The following MBD5 variants were observed in gnomAD, a reference collection of about 807,000 sequenced individuals.
MBD5 encodes methyl-CpG binding domain protein 5.
Under a neutral mutation model 117.3 loss-of-function variants are expected in MBD5, and 13 were observed. The observed-to-expected ratio is 0.11, with a 90% CI of 0.07 to 0.18. The LOEUF (loss-of-function observed/expected upper bound fraction) is 0.18. Among genes scored for constraint, MBD5 ranks in the 10% least tolerant of loss-of-function variants. The pLI is 1.00. For synonymous variants in MBD5, 727 were observed against 766.4 expected (o/e 0.95, Z 0.85); for missense variants, 1,879 against 2,093.8 (o/e 0.90, Z 2.00).
rs533542821 is a variant in MBD5, at chr2:148,141,047, C to T, written c.-924-37653C>T. On this transcript the variant is annotated intron_variant, in intron 1 of 13. Transcript: ENST00000642680. ...TCAGCCAACCAAACTGCTGGGATTA[C>T]AGGTGTCAGGCACCGCGCCCAGCTG... Among the ~76,000 whole-genome samples, 6 of 152,304 alleles carry T rather than the reference C, an allele frequency of 3.9e-5. No homozygotes were observed. In the East Asian group the frequency reaches 5.8e-4, roughly 15 times the overall value.
At chr2:148,083,161 G>A (rs1010266192) in intron 1 of MBD5, among the ~76,000 whole-genome samples, 7 of 152,258 alleles carry the variant, frequency 4.6e-5, no homozygotes, top group Admixed American at 1.3e-4. Flanking sequence ...CTTCTTTTGC[G>A]CTTATTAACC....
intron 3 of MBD5, among the ~76,000 whole-genome samples, chr2:148,239,992 A>C (rs1163214481): frequency 6.6e-6 from 1 of 152,206 alleles, no homozygotes; most frequent in Non-Finnish European, 1.5e-5. Flanking sequence ...CACTATTCAC[A>C]ATAGCAAAGA....
chr2:148,449,008 C>T (rs1706647413), intron 4 of MBD5, among the ~76,000 whole-genome samples: 1 of 151,994 alleles, frequency 6.6e-6, no homozygotes, highest in Non-Finnish European at 1.5e-5. Context: ...AGCTAACATA[C>T]AAGAATAAAT....
intron 3 of MBD5, among the ~76,000 whole-genome samples, chr2:148,284,272 G>A (rs1701320731): frequency 6.6e-6 from 1 of 151,504 alleles, no homozygotes; most frequent in Non-Finnish European, 1.5e-5. Flanking sequence ...TCAATCTTTT[G>A]CTGATGTAAA....
intron 1 of MBD5, among the ~76,000 whole-genome samples, chr2:148,107,912 A>G (rs879275073): frequency 6.6e-6 from 1 of 152,168 alleles, no homozygotes; most frequent in Non-Finnish European, 1.5e-5. Context: ...TGTTTCTGTT[A>G]GATGCCTGAG....
intron 1 of MBD5, among the ~76,000 whole-genome samples, chr2:148,046,017 C>T (rs987043218): frequency 2.6e-5 from 3 of 116,210 alleles, no homozygotes; most frequent in African/African-American, 6.8e-5. Flanking sequence ...CAGAGTCTCG[C>T]GGTGTTGCCA....
chr2:148,225,910 T>C (rs1288017239), intron 2 of MBD5, among the ~76,000 whole-genome samples: 1 of 152,184 alleles, frequency 6.6e-6, no homozygotes, highest in Non-Finnish European at 1.5e-5. Flanking sequence ...AGTTCAATTA[T>C]TAAATGCCTT....
Position 148,484,048 on chromosome 2 carries a change from G to T in MBD5, c.3457G>T (p.Ala1153Ser). The T allele has an allele frequency of 6.5e-7, 1 of 1,550,184 alleles. No homozygotes were observed. Among genetic ancestry groups the T allele is most frequent in the Non-Finnish European group, 8.7e-7 (1 of 1,146,772 alleles). Residue 1153 changes from alanine to serine, a missense_variant, in exon 9 of 14, where the codon GCT becomes TCT. Around this residue, in one of 4 missense-constraint regions of MBD5, gnomAD observed 1,666 missense variants for 1,792.2 expected, o/e 0.93. Coordinates refer to ENST00000642680, the MANE Select transcript of MBD5 (RefSeq NM_001378120.1). ...AETLLNISNN[A>S]GNTPGPAKLN... ...AACATTGCTGAATATATCTAATAAT[G>T]CTGGGAATACACCTGGTCCAGCTAA...
intron 10 of MBD5, among the ~76,000 whole-genome samples, chr2:148,487,130 T>C (rs188233471): frequency 5.7e-4 from 87 of 152,330 alleles, no homozygotes; most frequent in African/African-American, 2.1e-3. Context: ...TAATCTGATA[T>C]GGAAAGATCT....
Position 148,489,557 on chromosome 2 carries a change from G to A in MBD5, c.3925G>A (p.Val1309Ile), listed in dbSNP as rs973326943. The change falls in exon 11 of 14, where the codon GTT (valine) becomes ATT (isoleucine). Residue 1309 changes from valine (V) to isoleucine (I), a missense_variant. Val to Ile is a conservative substitution (Grantham distance 29, BLOSUM62 3). Coordinates refer to ENST00000642680, the MANE Select transcript of MBD5 (RefSeq NM_001378120.1). The part of the protein sequence containing the change: ...SLGQQVKDGL[V>I]VGGPGDASVD... ...TGGTCAACAGGTGAAGGATGGCCTCGTTGTGGGTGGCCCAGGTGATGCTTC... is the reference window on the plus strand; with the variant it reads ...TGGTCAACAGGTGAAGGATGGCCTCATTGTGGGTGGCCCAGGTGATGCTTC... 18 of 1,614,060 alleles carry A rather than the reference G, an allele frequency of 1.1e-5. No individual in the cohort carries two copies. The highest frequency in any genetic ancestry group is 1.4e-5 in the Non-Finnish European group (16 of 1,180,050).
chr2:148,372,783 A>C (rs910519113), intron 4 of MBD5, among the ~76,000 whole-genome samples: 1 of 152,110 alleles, frequency 6.6e-6, no homozygotes, highest in African/African-American at 2.4e-5. Flanking sequence ...TAGTGGGCTC[A>C]AGAAACTCGA....
chr2:148,374,955 G>T (rs1703953831), intron 4 of MBD5, among the ~76,000 whole-genome samples: 1 of 152,046 alleles, frequency 6.6e-6, no homozygotes, highest in Admixed American at 6.6e-5. Flanking sequence ...ATCCAACTTA[G>T]TGATATTATT....
intron 3 of MBD5, among the ~76,000 whole-genome samples, chr2:148,287,682 T>C (rs1171012812): frequency 6.6e-6 from 1 of 152,192 alleles, no homozygotes; most frequent in African/African-American, 2.4e-5. Context: ...GGTGAGGACC[T>C]ACTTGCCACA....
At position 148,035,834 on chromosome 2, in the gene MBD5, A is replaced by G. The variant is rs764702871; in HGVS notation, c.-925+14150A>G. The stretch of plus-strand genomic sequence containing the variant: ...AGTCAGTTGTGTCCACCTCAGGGTT[A>G]TTTAGTGAGTTTAGATATAATCAAT... On this transcript the variant is annotated intron_variant, in intron 1 of 13. Transcript: ENST00000642680. Among the ~76,000 whole-genome samples, 35 of 152,252 alleles carry G rather than the reference A, an allele frequency of 2.3e-4. No homozygotes were observed. The Middle Eastern group carries it at 0.034, about 148-fold the overall frequency.
intron 1 of MBD5, chr2:148,027,695 G>C (rs1693937753): frequency 6.6e-6 from 1 of 151,916 alleles, no homozygotes; most frequent in African/African-American, 2.4e-5. Flanking sequence ...AATACTTCTG[G>C]TCCACAAAAC....
chr2:148,447,254 A>G (rs4008053), intron 4 of MBD5, among the ~76,000 whole-genome samples: 106,895 of 147,124 alleles, frequency 0.73, 43,680 homozygotes, highest in East Asian at 0.98. Context: ...GGGAGGGAGG[A>G]AGGAAGGAAG....
chr2:148,351,543 G>A (rs1703250107), intron 4 of MBD5, among the ~76,000 whole-genome samples: 1 of 150,992 alleles, frequency 6.6e-6, no homozygotes, highest in Admixed American at 6.6e-5. Flanking sequence ...CCACTTTTTG[G>A]CTACTATAAG....
At chr2:148,173,648 G>A (rs1433432196) in intron 1 of MBD5, among the ~76,000 whole-genome samples, 1 of 152,200 alleles carries the variant, frequency 6.6e-6, no homozygotes, top group East Asian at 1.9e-4. Context: ...GTGCCCAGCA[G>A]TAAAGAGGCT....
chr2:148,212,250 C>A lies in MBD5; in HGVS notation c.-830-20995C>A, dbSNP rs561306385. Among the ~76,000 whole-genome samples the A allele has an allele frequency of 2.0e-4, 31 of 152,294 alleles. No homozygotes were observed. In the East Asian group the frequency reaches 6.0e-3, roughly 29 times the overall value. Reference sequence around the variant, plus strand: ...ATTTCCTACTCTATTTCCCTCAACTCCTAGTCCTGGCAAACAGTAGTCTAC... The same window carrying A: ...ATTTCCTACTCTATTTCCCTCAACTACTAGTCCTGGCAAACAGTAGTCTAC... On this transcript the variant is annotated intron_variant, in intron 2 of 13. Transcript: ENST00000642680.
Sources: allele counts gnomAD v4.1 joint callset (sites outside exome capture counted in the v4.1 genomes callset), GRCh38; gene constraint gnomAD v4.1.1; regional missense constraint gnomAD v4.1.1; transcripts MANE v1.5; gene names NCBI Gene and HGNC (gene_info 2026-07-23, HGNC 2026-07-21).